XPNPEP3: variants seen among roughly 807,000 people sequenced by gnomAD.
The protein encoded by XPNPEP3 is xaa-Pro aminopeptidase 3.
Under a neutral mutation model 60.0 loss-of-function variants are expected in XPNPEP3, and 41 were observed. That is an observed-to-expected ratio of 0.68 (90% CI 0.53 to 0.89). XPNPEP3 has a LOEUF of 0.89. Among genes scored for constraint, XPNPEP3 ranks in the 40% least tolerant of loss-of-function variants. The pLI is 0.00. For synonymous variants in XPNPEP3, 212 were observed against 223.2 expected (o/e 0.95, Z 0.45); for missense variants, 598 against 638.9 (o/e 0.94, Z 0.69).
chr22:40,866,800 T>A (rs2057980623), intron 1 of XPNPEP3, among the ~76,000 whole-genome samples: 2 of 152,242 alleles, frequency 1.3e-5, no homozygotes, highest in African/African-American at 4.8e-5. Context: ...TTAATTTATG[T>A]CTCCTGTTAA....
At chr22:40,916,838 C>T (rs904724879) in intron 7 of XPNPEP3, among the ~76,000 whole-genome samples, 3 of 152,140 alleles carry the variant, frequency 2.0e-5, no homozygotes, top group Non-Finnish European at 4.4e-5. Context: ...GTAATCCCAG[C>T]ACACTGGGAG....
chr22:40,914,434 C>CA, intron 7 of XPNPEP3, 110 bp downstream of exon 7: 1 of 874,170 alleles, frequency 1.1e-6, no homozygotes, highest in South Asian at 1.4e-5. Context: ...CATTCCTGGT[C>CA]AAGTTAGGTT....
intron 2 of XPNPEP3, among the ~76,000 whole-genome samples, chr22:40,873,098 C>CTTTTTCT (rs941780396): frequency 2.3e-5 from 2 of 88,500 alleles, no homozygotes; most frequent in African/African-American, 8.8e-5. Context: ...TTTTCTTTTT[C>CTTTTTCT]TTTTTTTTTT....
intron 4 of XPNPEP3, among the ~76,000 whole-genome samples, chr22:40,887,125 A>T (rs2058072470): frequency 2.0e-5 from 3 of 152,206 alleles, no homozygotes; most frequent in Admixed American, 2.0e-4. Context: ...TCAGTTAAAC[A>T]GTTTGGTTCT....
chr22:40,922,893 T>C lies in XPNPEP3; in HGVS notation c.1236+380T>C, dbSNP rs180673870. ...TTAAAACAAAGGAAGTCAGTACTTA[T>C]TTCTTCCAGAAGATGGCAGCACATG... is the stretch of plus-strand genomic sequence containing the variant. On this transcript the variant is annotated intron_variant, in intron 8 of 9. Transcript: ENST00000357137. 2.4e-4 allele frequency among the ~76,000 whole-genome samples: 37 copies of C among 152,322 alleles called. No individual in the cohort carries two copies. In the East Asian group the frequency reaches 6.4e-3, roughly 26 times the overall value.
chr22:40,868,723 G>C (rs2145774546), intron 1 of XPNPEP3, among the ~76,000 whole-genome samples: 1 of 152,150 alleles, frequency 6.6e-6, no homozygotes, highest in East Asian at 1.9e-4. Flanking sequence ...GCACGCACCT[G>C]TAATCCCAGC....
intron 3 of XPNPEP3, 67 bp from the exon 4 acceptor site, chr22:40,886,246 T>A: frequency 6.6e-7 from 1 of 1,516,806 alleles, no homozygotes; most frequent in Non-Finnish European, 9.1e-7. Context: ...CAAGTCGTTA[T>A]GACAGTTGAT....
At chr22:40,914,717 A>C (rs919640945) in intron 7 of XPNPEP3, among the ~76,000 whole-genome samples, 1 of 151,866 alleles carries the variant, frequency 6.6e-6, no homozygotes, top group South Asian at 2.1e-4. Flanking sequence ...CATTGCCACC[A>C]TGCCTGACTC....
chr22:40,903,333 T>C (rs2058142086), intron 4 of XPNPEP3, among the ~76,000 whole-genome samples: 3 of 152,164 alleles, frequency 2.0e-5, no homozygotes, highest in Admixed American at 2.0e-4. Context: ...TCATATGTTA[T>C]ATTTCCCCTC....
chr22:40,881,452 G>C (rs954152755), intron 2 of XPNPEP3, among the ~76,000 whole-genome samples: 8 of 136,600 alleles, frequency 5.9e-5, no homozygotes, highest in African/African-American at 2.3e-4. Flanking sequence ...GCGAAACTCT[G>C]TCTCAAAAAA....
At chr22:40,898,188 C>G (rs57710850) in intron 4 of XPNPEP3, among the ~76,000 whole-genome samples, 2 of 107,140 alleles carry the variant, frequency 1.9e-5, no homozygotes, top group African/African-American at 3.4e-5. Context: ...ATGTTTTCTT[C>G]TAAGAGTTTT....
At chr22:40,887,835 A>G (rs2058075128) in intron 4 of XPNPEP3, among the ~76,000 whole-genome samples, 1 of 151,872 alleles carries the variant, frequency 6.6e-6, no homozygotes, top group African/African-American at 2.4e-5. Flanking sequence ...AGTGTAAACC[A>G]TAAATCTCAC....
chr22:40,924,945 G>A (rs918480379), intron 9 of XPNPEP3, among the ~76,000 whole-genome samples: 1 of 152,114 alleles, frequency 6.6e-6, no homozygotes, highest in Non-Finnish European at 1.5e-5. Flanking sequence ...CACACAATTT[G>A]TTCAGTTTGA....
chr22:40,924,311 C>T (rs2058226942), intron 8 of XPNPEP3, 51 bp from the exon 9 acceptor site: 6 of 1,612,530 alleles, frequency 3.7e-6, no homozygotes, highest in Non-Finnish European at 5.1e-6. Flanking sequence ...GCCCAGCATT[C>T]CCTGTAAGAG....
chr22:40,870,450 T>C, intron 2 of XPNPEP3: 1 of 154,338 alleles, frequency 6.5e-6, no homozygotes, highest in Non-Finnish European at 1.4e-5. Flanking sequence ...TGTATGTGAA[T>C]ATCTGGGGGA....
rs1165891642 is a variant in XPNPEP3, at chr22:40,931,851, G to A, written c.*5416G>A. 4 of 152,096 alleles carry A rather than the reference G, an allele frequency of 2.6e-5. No individual in the cohort carries two copies. Among genetic ancestry groups the A allele is most frequent in the African/African-American group, 7.2e-5 (3 of 41,412 alleles). 9.4% of individuals were successfully genotyped at this position (152,096 alleles called of 1,614,324 possible). ...AAACCTTGCTTTTTTCTCCGTTTTT[G>A]TAAGGTGAGAAAGGGAAAAACCTTC... is the stretch of plus-strand genomic sequence containing the variant. On this transcript the variant is annotated 3_prime_UTR_variant, in exon 10 of 10. Coordinates refer to ENST00000357137, the MANE Select transcript of XPNPEP3 (RefSeq NM_022098.4).
At chr22:40,883,445 G>A (rs1267051319) in intron 3 of XPNPEP3, among the ~76,000 whole-genome samples, 2 of 151,898 alleles carry the variant, frequency 1.3e-5, no homozygotes, top group Non-Finnish European at 2.9e-5. Flanking sequence ...CTGCAACCTC[G>A]AACCCCAAAG....
chr22:40,881,865 A>G lies in XPNPEP3; in HGVS notation c.277A>G (p.Thr93Ala). 6.2e-7 allele frequency: 1 copy of G among 1,614,178 alleles called. No homozygotes were observed. Among genetic ancestry groups the G allele is most frequent in the Non-Finnish European group, 8.5e-7 (1 of 1,180,024 alleles). Residue 93 changes from threonine to alanine, a missense_variant, in exon 3 of 10, where the codon ACA becomes GCA. Thr to Ala is a moderately conservative substitution (Grantham distance 58). Transcript: ENST00000357137. ...GAAGGAAGCTCAAGGGCAGAGTGGGACAGACCAGACAGTGGTTGTGCTCTC... is the reference window on the plus strand; with the variant it reads ...GAAGGAAGCTCAAGGGCAGAGTGGGGCAGACCAGACAGTGGTTGTGCTCTC... ...IQKEAQGQSGTDQTVVVLSNP... is the reference protein window; with the variant it reads ...IQKEAQGQSGADQTVVVLSNP...
chr22:40,882,209 A>G, intron 3 of XPNPEP3, 32 bp downstream of exon 3: 2 of 1,613,060 alleles, frequency 1.2e-6, no homozygotes, highest in Non-Finnish European at 1.7e-6. Flanking sequence ...CACATTACAA[A>G]CCAGATTGGG....
Sources: gnomAD v4.1 joint callset for allele counts (sites outside exome capture counted in the v4.1 genomes callset) on GRCh38, gnomAD v4.1.1 for gene constraint, MANE v1.5 for transcripts, NCBI Gene and HGNC (gene_info 2026-07-23, HGNC 2026-07-21) for gene names.